The following IKZF1 variants were observed in gnomAD, a reference collection of about 807,000 sequenced individuals.
IKZF1 encodes IKAROS family zinc finger 1, also known as DNA-binding protein Ikaros.
A neutral mutation model predicts 51.7 loss-of-function variants in IKZF1; 10 were observed. That is an observed-to-expected ratio of 0.19 (90% CI 0.12 to 0.33). IKZF1 has a LOEUF of 0.33. IKZF1 is among the 10% of genes least tolerant of loss of function. The probability of loss-of-function intolerance (pLI) is 1.00; values close to 1 mark genes in which losing one functional copy is unlikely to be tolerated. For missense variants in IKZF1, 484 were observed against 707.5 expected, an observed-to-expected ratio of 0.68 and a Z score of 3.58; for synonymous variants, 280 against 282.3, an observed-to-expected ratio of 0.99 and a Z score of 0.08.
In IKZF1 at chr7:50,358,695, A is replaced by G. The variant is rs566009935; in HGVS notation, c.161-17838A>G. ...AAGCCAAGGCTTTATTGTAAGGGCTAAATAAAATAACATATGCCTAGCATT... is the reference window on the plus strand; with the variant it reads ...AAGCCAAGGCTTTATTGTAAGGGCTGAATAAAATAACATATGCCTAGCATT... On this transcript the variant is annotated intron_variant, in intron 3 of 7. Transcript: ENST00000331340. Among the ~76,000 whole-genome samples, 5 of 152,340 alleles carry G rather than the reference A, an allele frequency of 3.3e-5. No homozygotes were observed. The South Asian group carries it at 1.0e-3, about 32-fold the overall frequency.
intron 7 of IKZF1, among the ~76,000 whole-genome samples, chr7:50,397,759 AC>A (rs1817088073): frequency 6.6e-6 from 1 of 152,186 alleles, no homozygotes; most frequent in African/African-American, 2.4e-5. Flanking sequence ...ACTTTTTCTG[AC>A]CTTTAATGGA....
At chr7:50,362,961 C>T (rs1306565963) in intron 3 of IKZF1, among the ~76,000 whole-genome samples, 2 of 152,144 alleles carry the variant, frequency 1.3e-5, no homozygotes, top group African/African-American at 4.8e-5. Context: ...GCAGGGGCTT[C>T]ATGGCCATGC....
At chr7:50,346,799 A>G (rs1477480672) in intron 3 of IKZF1, among the ~76,000 whole-genome samples, 1 of 152,256 alleles carries the variant, frequency 6.6e-6, no homozygotes, top group Non-Finnish European at 1.5e-5. Context: ...TAGTCTGAGA[A>G]AGCATGGCAT....
chr7:50,399,991 C>T lies in IKZF1; in HGVS notation c.924C>T (p.Ser308=), dbSNP rs775307840. The change falls in exon 8 of 8, where the codon TCC becomes TCT. Residue 308 remains serine, a synonymous_variant. Transcript: ENST00000331340. ...AGAAGGAGAACGAAATGATGAAGTCCCACGTGATGGACCAAGCCATCAACA... is the reference window on the plus strand; with the variant it reads ...AGAAGGAGAACGAAATGATGAAGTCTCACGTGATGGACCAAGCCATCAACA... ...SYEKENEMMK[S]HVMDQAINNA... 15 of 1,613,380 alleles carry T rather than the reference C, an allele frequency of 9.3e-6. No homozygotes were observed. The Admixed American group carries it at 2.0e-4, about 22-fold the overall frequency.
chr7:50,308,739 GA>G (rs1321618152), intron 1 of IKZF1: 14 of 152,324 alleles, frequency 9.2e-5, no homozygotes, highest in African/African-American at 3.4e-4. Context: ...GGCAGCAGAG[GA>G]ACCTTTTGGA....
At chr7:50,305,490 C>T (rs1788571773) in intron 1 of IKZF1, among the ~76,000 whole-genome samples, 1 of 152,212 alleles carries the variant, frequency 6.6e-6, no homozygotes, top group Admixed American at 6.5e-5. Context: ...ATTTGTCAAG[C>T]ATCGCTGCTG....
intron 3 of IKZF1, among the ~76,000 whole-genome samples, chr7:50,349,385 G>T (rs938222158): frequency 6.6e-6 from 1 of 152,210 alleles, no homozygotes; most frequent in Admixed American, 6.5e-5. Context: ...AGCAAGGAGA[G>T]AAAACAGTTT....
At chr7:50,368,327 T>TA in intron 3 of IKZF1, 1 of 703,340 alleles carries the variant, frequency 1.4e-6, no homozygotes, top group Non-Finnish European at 2.6e-6. Context: ...ATGGGATTGT[T>TA]ACTTCGCAGA....
chr7:50,360,039 A>G (rs907078032), intron 3 of IKZF1, among the ~76,000 whole-genome samples: 1 of 152,150 alleles, frequency 6.6e-6, no homozygotes, highest in African/African-American at 2.4e-5. Context: ...GACTGTACCC[A>G]TGGCCGAGAG....
intron 3 of IKZF1, among the ~76,000 whole-genome samples, chr7:50,350,171 C>T (rs1801482457): frequency 6.6e-6 from 1 of 152,244 alleles, no homozygotes; most frequent in Non-Finnish European, 1.5e-5. Context: ...GCTGCCCACT[C>T]TCTGACCAGC....
intron 3 of IKZF1, among the ~76,000 whole-genome samples, chr7:50,366,398 T>G (rs1022392828): frequency 1.4e-4 from 22 of 152,228 alleles, no homozygotes; most frequent in Non-Finnish European, 1.0e-4. Flanking sequence ...CAAGGCTACA[T>G]TTTCTACTGG....
intron 1 of IKZF1, among the ~76,000 whole-genome samples, 151 bp from the exon 2 acceptor site, chr7:50,318,897 G>A (rs1317220113): frequency 6.6e-6 from 1 of 152,190 alleles, no homozygotes; most frequent in East Asian, 1.9e-4. Context: ...GTGCCAGTCT[G>A]ATACTCCAGC....
rs2153519649 is a variant in IKZF1 at position 50,400,512 on chromosome 7, G to C, written c.1445G>C (p.Gly482Ala). The C allele has an allele frequency of 6.2e-7, 1 of 1,614,102 alleles. No individual in the cohort carries two copies. Among genetic ancestry groups the C allele is most frequent in the Non-Finnish European group, 8.5e-7 (1 of 1,179,960 alleles). The change falls in exon 8 of 8, where the codon GGC becomes GCC. Residue 482 changes from glycine (G) to alanine (A), a missense_variant. By Grantham distance (60) the Gly-to-Ala change is moderately conservative. Coordinates refer to ENST00000331340, the MANE Select transcript of IKZF1 (RefSeq NM_006060.6). The surrounding 1 kb of genome is among the most constrained non-coding windows in gnomAD (Gnocchi z 5.4). ...CACGTCATGTACACCATCCACATGGGCTGCCACGGCTTCCGTGATCCTTTT... is the reference window on the plus strand; with the variant it reads ...CACGTCATGTACACCATCCACATGGCCTGCCACGGCTTCCGTGATCCTTTT... ...LDHVMYTIHM[G>A]CHGFRDPFEC...
chr7:50,383,592 G>C (rs111561364), intron 5 of IKZF1, among the ~76,000 whole-genome samples: 13 of 152,326 alleles, frequency 8.5e-5, no homozygotes, highest in African/African-American at 2.6e-4. Context: ...TCCAGTTGGG[G>C]ATATTTGCTG....
chr7:50,310,403 T>A (rs1350497406), intron 1 of IKZF1, among the ~76,000 whole-genome samples: 1 of 152,264 alleles, frequency 6.6e-6, no homozygotes, highest in Non-Finnish European at 1.5e-5. Flanking sequence ...TTTCGCTCTC[T>A]TATGGACAGG....
rs747686881 is a variant in IKZF1 at position 50,400,418 on chromosome 7, G to T, written c.1351G>T (p.Val451Leu). The change falls in exon 8 of 8, where the codon GTG (valine) becomes TTG (leucine). Residue 451 changes from valine to leucine, a missense_variant. By Grantham distance (32) the Val-to-Leu change is conservative (BLOSUM62 1). Transcript: ENST00000331340. This position sits in a 1 kb window ranked among gnomAD's most constrained non-coding sequence, Gnocchi z 5.4. ...CGAGAACTCGCAGGACGCGCTCCGC[G>T]TGGTCAGCACCAGCGGGGAGCAGAT... ...ASENSQDALR[V>L]VSTSGEQMKV... 1.2e-6 allele frequency: 2 copies of T among 1,613,786 alleles called. No homozygotes were observed. Among genetic ancestry groups the T allele is most frequent in the Admixed American group, 1.7e-5 (1 of 60,022 alleles).
At chr7:50,370,875 C>T (rs760960031) in intron 3 of IKZF1, among the ~76,000 whole-genome samples, 6 of 152,172 alleles carry the variant, frequency 3.9e-5, no homozygotes, top group Non-Finnish European at 8.8e-5. Context: ...ACTATCTTTC[C>T]TATCTTCAGG....
chr7:50,394,052 C>T (rs917089948), intron 7 of IKZF1: 3 of 232,066 alleles, frequency 1.3e-5, no homozygotes, highest in East Asian at 6.1e-5. Flanking sequence ...ACAATGTGGG[C>T]GTTGGCTTGA....
intron 1 of IKZF1, among the ~76,000 whole-genome samples, chr7:50,306,754 C>G (rs1207055009): frequency 6.6e-6 from 1 of 152,212 alleles, no homozygotes; most frequent in African/African-American, 2.4e-5. Flanking sequence ...CCTTGTTTGA[C>G]TAGAGACTTG....
Sources: gnomAD v4.1 joint callset for allele counts (sites outside exome capture counted in the v4.1 genomes callset) on GRCh38, gnomAD v4.1.1 for gene constraint, Gnocchi (gnomAD v3.1) non-coding constraint, MANE v1.5 for transcripts, NCBI Gene and HGNC (gene_info 2026-07-23, HGNC 2026-07-21) for gene names.